CHSY3: variants seen among roughly 807,000 people sequenced by gnomAD.
CHSY3 encodes the protein chondroitin sulfate synthase 3, also known as N-acetylgalactosaminyl-proteoglycan 3-beta-glucuronosyltransferase 3.
CHSY3 carries 35 observed loss-of-function variants against 67.2 expected under a neutral mutation model. The observed-to-expected ratio is 0.52, with a 90% CI of 0.40 to 0.69. The LOEUF is 0.69. Ranked by LOEUF, CHSY3 falls within the 30% of genes least tolerant of loss-of-function variation. The pLI is 0.00. For missense variants in CHSY3, 1,069 were observed against 1,138.5 expected (o/e 0.94, Z 0.88); for synonymous variants, 474 against 434.7 (o/e 1.09, Z -1.12).
chr5:129,976,779 AG>A (rs1045642091), intron 2 of CHSY3, among the ~76,000 whole-genome samples: 111 of 152,104 alleles, frequency 7.3e-4, no homozygotes, highest in African/African-American at 2.6e-3. Flanking sequence ...TTAAAAAGAG[AG>A]TTAAATAAAA....
At chr5:129,958,278 T>G (rs2149605831) in intron 2 of CHSY3, among the ~76,000 whole-genome samples, 1 of 152,264 alleles carries the variant, frequency 6.6e-6, no homozygotes, top group Non-Finnish European at 1.5e-5. Flanking sequence ...GTGAAAGGCT[T>G]GGTTGATTAT....
chr5:129,905,744 G>C (rs1760261046), intron 1 of CHSY3, 113 bp downstream of exon 1: 13 of 1,521,574 alleles, frequency 8.5e-6, no homozygotes, highest in Non-Finnish European at 1.1e-5. Flanking sequence ...CACGTGCTTC[G>C]GGCTCCCACA....
intron 2 of CHSY3, among the ~76,000 whole-genome samples, chr5:129,963,487 G>C (rs950548341): frequency 9.9e-5 from 15 of 152,020 alleles, no homozygotes; most frequent in Admixed American, 6.6e-4. Context: ...TGGTCACGGT[G>C]TGTACTATTA....
At chr5:130,017,241 G>C (rs1226392473) in intron 2 of CHSY3, among the ~76,000 whole-genome samples, 2 of 152,014 alleles carry the variant, frequency 1.3e-5, no homozygotes, top group Non-Finnish European at 2.9e-5. Context: ...GGAAGTTCGA[G>C]TGTATGGTTA....
At position 129,904,874 on chromosome 5, in the gene CHSY3, G is replaced by T. The variant is rs1425608697; in HGVS notation, c.45G>T (p.Gly15=). 3 of 1,507,286 alleles carry T rather than the reference G, an allele frequency of 2.0e-6. No individual in the cohort carries two copies. Among genetic ancestry groups the T allele is most frequent in the East Asian group, 5.1e-5 (2 of 39,356 alleles). 93.4% of individuals were successfully genotyped at this position (1,507,286 alleles called of 1,614,324 possible). A position where few individuals can be genotyped will look rare whatever the true frequency, so the allele number is the denominator to read the frequency against. ...SRRPWMSVAL[G]LVLGFTAASW... ...GCCCGTGGATGAGCGTGGCATTAGGGCTGGTGCTGGGCTTCACCGCCGCGT... is the reference window on the plus strand; with the variant it reads ...GCCCGTGGATGAGCGTGGCATTAGGTCTGGTGCTGGGCTTCACCGCCGCGT... The change falls in exon 1 of 3, where the codon GGG becomes GGT. Residue 15 remains glycine (G), a synonymous_variant. Transcript: ENST00000305031.
chr5:130,050,957 A>G (rs1765325718), intron 2 of CHSY3, among the ~76,000 whole-genome samples: 1 of 152,186 alleles, frequency 6.6e-6, no homozygotes, highest in South Asian at 2.1e-4. Context: ...TAATGCAGCT[A>G]TTACAAAAAA....
Position 129,905,170 on chromosome 5 carries a change from G to A in CHSY3, c.341G>A (p.Arg114Gln). ...CCACCTCCGCTGCAGCAGCGGCGGC[G>A]AGGACGCGAGCCTGAGGGCGCGACG... ...QQPPPLQQRR[R>Q]GREPEGATGL... Residue 114 changes from arginine to glutamine, a missense_variant, in exon 1 of 3, where the codon CGA (arginine) becomes CAA (glutamine). Arg to Gln is a conservative substitution (Grantham distance 43, BLOSUM62 1). Coordinates refer to ENST00000305031, the MANE Select transcript of CHSY3 (RefSeq NM_175856.5). 3.3e-6 allele frequency: 5 copies of A among 1,525,334 alleles called. No individual in the cohort carries two copies. Among genetic ancestry groups the A allele is most frequent in the Non-Finnish European group, 4.4e-6 (5 of 1,142,802 alleles). 94.5% of individuals were successfully genotyped at this position (1,525,334 alleles called of 1,614,324 possible). A position where few individuals can be genotyped will look rare whatever the true frequency, so the allele number is the denominator to read the frequency against.
chr5:129,905,367 G>A lies in CHSY3; in HGVS notation c.538G>A (p.Ala180Thr). 2 of 1,583,026 alleles carry A rather than the reference G, an allele frequency of 1.3e-6. No individual in the cohort carries two copies. The highest frequency in any genetic ancestry group is 1.7e-6 in the Non-Finnish European group (2 of 1,167,522). Residue 180 changes from alanine (A) to threonine (T), a missense_variant, in exon 1 of 3, where the codon GCG (alanine) becomes ACG (threonine). By Grantham distance (58) the Ala-to-Thr change is moderately conservative. Coordinates refer to ENST00000305031, the MANE Select transcript of CHSY3 (RefSeq NM_175856.5). ...RDFLYVGVMT[A>T]QKYLGSRALA... The stretch of plus-strand genomic sequence containing the variant: ...CTTCCTGTACGTGGGGGTGATGACC[G>A]CGCAGAAGTACCTGGGCAGCCGCGC...
chr5:130,048,228 T>C (rs1765213272), intron 2 of CHSY3, among the ~76,000 whole-genome samples: 2 of 152,144 alleles, frequency 1.3e-5, no homozygotes, highest in South Asian at 4.2e-4. Context: ...TTTATGTGTT[T>C]AGTTTATTAT....
At chr5:129,961,154 G>T (rs765197340) in intron 2 of CHSY3, among the ~76,000 whole-genome samples, 3 of 152,014 alleles carry the variant, frequency 2.0e-5, no homozygotes, top group Non-Finnish European at 4.4e-5. Flanking sequence ...AGGGGTAATT[G>T]CTTCCTTCCT....
At chr5:129,922,518 A>G (rs1054690696) in intron 2 of CHSY3, among the ~76,000 whole-genome samples, 5 of 152,158 alleles carry the variant, frequency 3.3e-5, no homozygotes, top group African/African-American at 1.2e-4. Context: ...TCTTTTCATA[A>G]TAGTCACTCT....
At chr5:129,943,599 G>C (rs1021279533) in intron 2 of CHSY3, among the ~76,000 whole-genome samples, 2 of 152,112 alleles carry the variant, frequency 1.3e-5, no homozygotes, top group Non-Finnish European at 2.9e-5. Flanking sequence ...CAACAATCAT[G>C]ATCCTTGAGA....
intron 2 of CHSY3, among the ~76,000 whole-genome samples, chr5:129,997,834 A>T (rs1352607086): frequency 1.3e-5 from 2 of 152,194 alleles, no homozygotes; most frequent in Non-Finnish European, 1.5e-5. Flanking sequence ...AAAGGACATG[A>T]ACTTACCCTT....
intron 2 of CHSY3, among the ~76,000 whole-genome samples, chr5:129,961,971 G>GA (rs1310326240): frequency 1.3e-5 from 2 of 151,818 alleles, no homozygotes; most frequent in Middle Eastern, 3.2e-3. Context: ...CCCAAACCAG[G>GA]AAACTATCCA....
At chr5:130,059,775 A>G (rs950592749) in intron 2 of CHSY3, among the ~76,000 whole-genome samples, 18 of 152,294 alleles carry the variant, frequency 1.2e-4, no homozygotes, top group African/African-American at 4.1e-4. Context: ...AAAAGGTATC[A>G]TATACTTTTC....
chr5:130,115,468 G>A (rs1450645147), intron 2 of CHSY3, among the ~76,000 whole-genome samples: 1 of 152,068 alleles, frequency 6.6e-6, no homozygotes, highest in Non-Finnish European at 1.5e-5. Context: ...GATTACCATA[G>A]CTAGAACTCC....
chr5:130,087,066 T>C (rs1202741260), intron 2 of CHSY3, among the ~76,000 whole-genome samples: 7 of 152,056 alleles, frequency 4.6e-5, no homozygotes, highest in Admixed American at 2.6e-4. Context: ...TTTCAATATA[T>C]GCAAATCAAT....
chr5:130,175,780 T>A (rs1169203570), intron 2 of CHSY3, among the ~76,000 whole-genome samples: 1 of 152,156 alleles, frequency 6.6e-6, no homozygotes, highest in Non-Finnish European at 1.5e-5. Flanking sequence ...TTGTAAATGG[T>A]GTTGGGAAAA....
chr5:130,072,415 C>T (rs1766105006), intron 2 of CHSY3, among the ~76,000 whole-genome samples: 1 of 152,090 alleles, frequency 6.6e-6, no homozygotes, highest in Non-Finnish European at 1.5e-5. Flanking sequence ...ATTGAGGAGA[C>T]TGTCCTTTCC....
Sources: gnomAD v4.1 joint callset for allele counts (sites outside exome capture counted in the v4.1 genomes callset) on GRCh38, gnomAD v4.1.1 for gene constraint, MANE v1.5 for transcripts, NCBI Gene and HGNC (gene_info 2026-07-23, HGNC 2026-07-21) for gene names.